Variants in KLRG1 observed in about 807,000 individuals in gnomAD.
KLRG1 encodes the protein killer cell lectin like receptor G1, also known as killer cell lectin-like receptor subfamily G member 1.
In KLRG1, 16 loss-of-function variants were observed where a neutral mutation model predicts 21.8. The observed-to-expected ratio is 0.73, with a 90% confidence interval of 0.50 to 1.11. The LOEUF (loss-of-function observed/expected upper bound fraction) is 1.11, where lower values mean the gene tolerates loss of function less well. Among genes scored for constraint, KLRG1 ranks in the 50% most tolerant of loss-of-function variants. The pLI, the probability that KLRG1 is intolerant of heterozygous loss-of-function variation, is 0.00. For missense variants in KLRG1, 173 were observed against 218.3 expected (o/e 0.79, Z 1.31); for synonymous variants, 69 against 75.9 (o/e 0.91, Z 0.47).
At chr12:9,085,288 A>G in the KLRG1 span, among the ~76,000 whole-genome samples, 2 of 152,120 alleles carry the variant, frequency 1.3e-5, no homozygotes, top group East Asian at 1.9e-4. Context: ...AAGAAGACTG[A>G]AATCGTTTCA....
the KLRG1 span, among the ~76,000 whole-genome samples, chr12:9,146,654 T>G: frequency 6.6e-6 from 1 of 152,184 alleles, no homozygotes; most frequent in African/African-American, 2.4e-5. Flanking sequence ...AGGAGAAGGT[T>G]CCTATCAATC....
chr12:9,116,447 C>T, the KLRG1 span, among the ~76,000 whole-genome samples: 2 of 152,278 alleles, frequency 1.3e-5, no homozygotes, highest in Non-Finnish European at 2.9e-5. Flanking sequence ...GATGAAGAGC[C>T]AGGCCCTGGA....
At chr12:9,120,852 C>CGTGTGTGTGTGTGTGTGTGT in the KLRG1 span, among the ~76,000 whole-genome samples, 36 of 143,472 alleles carry the variant, frequency 2.5e-4, no homozygotes, top group African/African-American at 7.7e-4. Context: ...ATCCCACTAA[C>CGTGTGTGTGTGTGTGTGTGT]GTGTGTGTGT....
the KLRG1 span, chr12:9,194,310 C>T: frequency 7.0e-7 from 1 of 1,418,860 alleles, no homozygotes; most frequent in Non-Finnish European, 9.6e-7. Flanking sequence ...TGAACAAATG[C>T]TTTTGCTGCT....
chr12:9,110,920 T>C, the KLRG1 span, among the ~76,000 whole-genome samples: 23 of 152,280 alleles, frequency 1.5e-4, no homozygotes, highest in African/African-American at 5.5e-4. Flanking sequence ...TAACATGTCT[T>C]AAGTGCTTAT....
the KLRG1 span, chr12:9,109,359 G>C: frequency 6.2e-7 from 1 of 1,613,408 alleles, no homozygotes; most frequent in Non-Finnish European, 8.5e-7. Flanking sequence ...CTTCCAAGAT[G>C]GTGATTATCT....
At chr12:9,078,593 C>T in the KLRG1 span, among the ~76,000 whole-genome samples, 3 of 152,110 alleles carry the variant, frequency 2.0e-5, no homozygotes, top group Non-Finnish European at 4.4e-5. Flanking sequence ...ATTTCTGGTT[C>T]TAGATCCTTG....
the KLRG1 span, chr12:9,036,282 G>A: frequency 6.6e-6 from 1 of 152,438 alleles, no homozygotes; most frequent in Non-Finnish European, 1.5e-5. Context: ...CCTCAGCTGA[G>A]AGTGGAGTGG....
chr12:9,164,393 C>G, the KLRG1 span: 12 of 965,626 alleles, frequency 1.2e-5, no homozygotes, highest in Non-Finnish European at 1.8e-5. Context: ...ATAGATTCAT[C>G]CATGCTTTAA....
intron 1 of KLRG1, among the ~76,000 whole-genome samples, chr12:8,962,879 AAG>A (rs1380422426): frequency 6.6e-6 from 1 of 152,176 alleles, no homozygotes; most frequent in Non-Finnish European, 1.5e-5. Flanking sequence ...GGGTTTCAGA[AAG>A]AGGACAAATT....
the KLRG1 span, among the ~76,000 whole-genome samples, chr12:9,133,397 G>T: frequency 1.4e-3 from 211 of 152,292 alleles, 4 homozygotes; most frequent in Middle Eastern, 3.4e-3. Flanking sequence ...ATCAGATACT[G>T]TTCTGTGGTT....
chr12:9,176,008 C>T, the KLRG1 span, among the ~76,000 whole-genome samples: 1 of 152,126 alleles, frequency 6.6e-6, no homozygotes, highest in African/African-American at 2.4e-5. Flanking sequence ...TACATGCTTG[C>T]ATATATTCAC....
chr12:9,041,161 C>A, the KLRG1 span, among the ~76,000 whole-genome samples: 3 of 152,046 alleles, frequency 2.0e-5, no homozygotes, highest in African/African-American at 4.8e-5. Flanking sequence ...CATGGTGAAA[C>A]CCTGTCTCTA....
chr12:9,004,497 C>T (rs148904408), intron 3 of KLRG1, among the ~76,000 whole-genome samples: 1 of 152,188 alleles, frequency 6.6e-6, no homozygotes, highest in African/African-American at 2.4e-5. Context: ...GAGATGGGAT[C>T]TTGCTCTGTT....
chr12:8,987,988 G>A (rs1946872696), upstream of KLRG1, among the ~76,000 whole-genome samples: 1 of 152,166 alleles, frequency 6.6e-6, no homozygotes, highest in Admixed American at 6.5e-5. Context: ...TTTGGTTGGT[G>A]CTACTAAGCA....
the KLRG1 span, among the ~76,000 whole-genome samples, chr12:9,019,160 G>A: frequency 1.3e-5 from 2 of 152,268 alleles, no homozygotes; most frequent in African/African-American, 2.4e-5. Flanking sequence ...TGGCAAACAG[G>A]TATATGAAAA....
chr12:9,180,957 G>C, the KLRG1 span: 1 of 1,602,590 alleles, frequency 6.2e-7, no homozygotes, highest in Admixed American at 1.8e-5. Flanking sequence ...GGCCCTTCCT[G>C]GTCCCCAAGG....
At chr12:9,181,101 G>GGACT in the KLRG1 span, 1 of 1,614,112 alleles carries the variant, frequency 6.2e-7, no homozygotes, top group South Asian at 1.1e-5. Context: ...TGAGGCTGGG[G>GGACT]GACTTTGTGC....
At chr12:9,074,814 G>T in the KLRG1 span, 1 of 1,559,740 alleles carries the variant, frequency 6.4e-7, no homozygotes, top group Non-Finnish European at 8.7e-7. Context: ...ATTTATAAGT[G>T]CCTACATATT....
Sources: allele counts gnomAD v4.1 joint callset (sites outside exome capture counted in the v4.1 genomes callset), GRCh38; gene constraint gnomAD v4.1.1; transcripts MANE v1.5; gene names NCBI Gene and HGNC (gene_info 2026-07-23, HGNC 2026-07-21).